The following CDKAL1 variants were observed in gnomAD, a reference collection of about 807,000 sequenced individuals.
The protein encoded by CDKAL1 is threonylcarbamoyladenosine tRNA methylthiotransferase.
In CDKAL1, 32 loss-of-function variants were observed where a neutral mutation model predicts 68.2. The ratio of observed to expected loss-of-function variants is 0.47; its 90% confidence interval spans 0.35 to 0.63. The LOEUF (loss-of-function observed/expected upper bound fraction) is 0.63. Ranked by LOEUF, CDKAL1 falls within the 30% of genes least tolerant of loss-of-function variation. CDKAL1 has a pLI of 0.00. For synonymous variants in CDKAL1, 234 were observed against 244.3 expected, an observed-to-expected ratio of 0.96 and a Z score of 0.39; for missense variants, 606 against 696.7, an observed-to-expected ratio of 0.87 and a Z score of 1.47.
chr6:21,082,421 A>G (rs149722187), intron 12 of CDKAL1, among the ~76,000 whole-genome samples: 256 of 152,346 alleles, frequency 1.7e-3, no homozygotes, highest in African/African-American at 5.8e-3. Flanking sequence ...CACATGAGTT[A>G]GTTAACTCAG....
intron 5 of CDKAL1, among the ~76,000 whole-genome samples, chr6:20,701,250 C>T (rs948631364): frequency 1.5e-5 from 2 of 137,752 alleles, no homozygotes; most frequent in African/African-American, 5.3e-5. Context: ...CTCACCTATA[C>T]ATGAAGTTGT....
At chr6:20,745,304 G>T (rs73732759) in intron 6 of CDKAL1, among the ~76,000 whole-genome samples, 1 of 152,138 alleles carries the variant, frequency 6.6e-6, no homozygotes, top group African/African-American at 2.4e-5. Flanking sequence ...TATTTCTATC[G>T]TACACCATGT....
At chr6:21,045,055 C>T (rs1459233725) in intron 11 of CDKAL1, among the ~76,000 whole-genome samples, 1 of 152,158 alleles carries the variant, frequency 6.6e-6, no homozygotes, top group Non-Finnish European at 1.5e-5. Context: ...GTCATCACTT[C>T]CCAAAGACCA....
intron 8 of CDKAL1, among the ~76,000 whole-genome samples, chr6:20,809,431 C>T (rs1467636312): frequency 6.6e-6 from 1 of 152,052 alleles, no homozygotes; most frequent in Non-Finnish European, 1.5e-5. Flanking sequence ...TTTTTGTAGC[C>T]ATCTGAGAGC....
At chr6:21,217,407 A>G (rs1055812703) in intron 15 of CDKAL1, among the ~76,000 whole-genome samples, 13 of 150,096 alleles carry the variant, frequency 8.7e-5, no homozygotes, top group Non-Finnish European at 1.6e-4. Flanking sequence ...TGATCCTCCC[A>G]CCTCAGCCTC....
Position 20,611,684 on chromosome 6 carries a change from T to TGG in CDKAL1, c.287-37608_287-37607insGG, listed in dbSNP as rs1397869133. Among the ~76,000 whole-genome samples the TGG allele has an allele frequency of 2.6e-5, 4 of 152,212 alleles. No homozygotes were observed. In the East Asian group the frequency reaches 7.7e-4, roughly 29 times the overall value. The stretch of plus-strand genomic sequence containing the variant: ...TTTGTTATGTGCATACAATGTGTAA[T>TGG]GATTGAGTCAATATTTGGGGTGTTC... On this transcript the variant is annotated intron_variant, in intron 4 of 15. Coordinates refer to ENST00000274695, the MANE Select transcript of CDKAL1 (RefSeq NM_017774.3).
At chr6:21,032,497 A>G (rs78094059) in intron 11 of CDKAL1, among the ~76,000 whole-genome samples, 2,357 of 152,254 alleles carry the variant, frequency 0.015, 60 homozygotes, top group African/African-American at 0.054. Flanking sequence ...TATAATACCT[A>G]TTCTTACCAG....
chr6:20,750,497 G>A (rs1015136561), intron 6 of CDKAL1, among the ~76,000 whole-genome samples: 2 of 152,164 alleles, frequency 1.3e-5, no homozygotes, highest in African/African-American at 4.8e-5. Context: ...GAAAGTTCAC[G>A]TTCAGTTGAA....
intron 4 of CDKAL1, among the ~76,000 whole-genome samples, chr6:20,600,615 C>A (rs1254731683): frequency 1.3e-5 from 2 of 151,078 alleles, no homozygotes; most frequent in African/African-American, 4.9e-5. Context: ...TTTTTTAATC[C>A]TATGAGTGGT....
At chr6:20,772,042 C>T (rs564146062) in intron 7 of CDKAL1, among the ~76,000 whole-genome samples, 1 of 152,260 alleles carries the variant, frequency 6.6e-6, no homozygotes, top group Admixed American at 6.5e-5. Context: ...CTTACAAGTT[C>T]CTTATGTCTT....
chr6:20,795,142 T>C (rs888241150), intron 8 of CDKAL1, among the ~76,000 whole-genome samples: 2 of 152,162 alleles, frequency 1.3e-5, no homozygotes, highest in Non-Finnish European at 2.9e-5. Context: ...CTTCTGGTTC[T>C]GCCATTTACC....
At chr6:20,626,405 TGAGATCCA>T (rs1467879962) in intron 4 of CDKAL1, among the ~76,000 whole-genome samples, 1 of 152,108 alleles carries the variant, frequency 6.6e-6, no homozygotes, top group Non-Finnish European at 1.5e-5. Context: ...AGAAAGGAAA[TGAGATCCA>T]GAGAGGCTAA....
intron 13 of CDKAL1, among the ~76,000 whole-genome samples, chr6:21,123,206 A>G (rs1774817551): frequency 6.6e-6 from 1 of 152,090 alleles, no homozygotes; most frequent in African/African-American, 2.4e-5. Flanking sequence ...TGTAATCCCA[A>G]CACTTTGAGA....
At chr6:20,711,373 C>T (rs560757061) in intron 5 of CDKAL1, among the ~76,000 whole-genome samples, 1 of 152,128 alleles carries the variant, frequency 6.6e-6, no homozygotes, top group Non-Finnish European at 1.5e-5. Context: ...AAATAAAAGA[C>T]TGAAGCATAG....
intron 10 of CDKAL1, among the ~76,000 whole-genome samples, chr6:20,996,594 G>A (rs969188495): frequency 3.9e-5 from 6 of 152,026 alleles, no homozygotes; most frequent in South Asian, 2.1e-4. Flanking sequence ...ATATGGGCGC[G>A]GTTTGTGGCA....
chr6:21,050,159 A>AT (rs1247507072), intron 11 of CDKAL1, among the ~76,000 whole-genome samples: 2 of 152,156 alleles, frequency 1.3e-5, no homozygotes, highest in South Asian at 2.1e-4. Context: ...CTGCTACTAA[A>AT]TTTTTTTAGG....
At chr6:20,829,196 A>G (rs1261883566) in intron 8 of CDKAL1, among the ~76,000 whole-genome samples, 1 of 152,198 alleles carries the variant, frequency 6.6e-6, no homozygotes, top group African/African-American at 2.4e-5. Context: ...TGTGAATTTC[A>G]CTAGAAATTG....
At chr6:20,613,654 T>C (rs1363634753) in intron 4 of CDKAL1, among the ~76,000 whole-genome samples, 1 of 148,458 alleles carries the variant, frequency 6.7e-6, no homozygotes, top group East Asian at 1.9e-4. Context: ...ATACAGTAAA[T>C]ATTTATATAT....
At chr6:21,215,717 C>T (rs549818317) in intron 15 of CDKAL1, among the ~76,000 whole-genome samples, 93 of 152,226 alleles carry the variant, frequency 6.1e-4, no homozygotes, top group Non-Finnish European at 1.2e-3. Flanking sequence ...TCTAGATATC[C>T]GGTGCTTTTC....
Sources: allele counts gnomAD v4.1 joint callset (sites outside exome capture counted in the v4.1 genomes callset), GRCh38; gene constraint gnomAD v4.1.1; transcripts MANE v1.5; gene names NCBI Gene and HGNC (gene_info 2026-07-23, HGNC 2026-07-21).